RFX3: variants seen among roughly 807,000 people sequenced by gnomAD.
RFX3 encodes regulatory factor X3.
In RFX3, 14 loss-of-function variants were observed where a neutral mutation model predicts 98.6. The ratio of observed to expected loss-of-function variants is 0.14; its 90% confidence interval spans 0.09 to 0.22. The LOEUF (loss-of-function observed/expected upper bound fraction) is 0.22. RFX3 is among the 10% of genes least tolerant of loss of function. RFX3 has a pLI of 1.00. For synonymous variants in RFX3, 383 were observed against 328.4 expected, an observed-to-expected ratio of 1.17 and a Z score of -1.80; for missense variants, 639 against 926.9, an observed-to-expected ratio of 0.69 and a Z score of 4.03.
In RFX3 at chr9:3,525,816, AAG is replaced by A. The variant is rs1491477315; in HGVS notation, c.-80_-79del. Reference sequence around the variant, plus strand: ...GGTGGTGGTGGGGAGGAGGAGGAGGAAGAGGAGGAGGAGGAGGAGAGGAGTAG... The same window carrying A: ...GGTGGTGGTGGGGAGGAGGAGGAGGAAGGAGGAGGAGGAGGAGAGGAGTAG... On this transcript the variant is annotated 5_prime_UTR_variant, in exon 1 of 17. Transcript: ENST00000617270. The A allele has an allele frequency of 2.4e-6, 2 of 848,102 alleles. No homozygotes were observed. Among genetic ancestry groups the A allele is most frequent in the Admixed American group, 6.2e-5 (1 of 16,112 alleles). The allele number at this position is 848,102 out of a possible 1,614,324, so 52.5% of individuals were successfully genotyped here. A position where few individuals can be genotyped will look rare whatever the true frequency, so the allele number is the denominator to read the frequency against.
chr9:3,230,214 C>T (rs1371137859), intron 15 of RFX3, among the ~76,000 whole-genome samples: 3 of 152,062 alleles, frequency 2.0e-5, no homozygotes, highest in Non-Finnish European at 4.4e-5. Context: ...AGAGGCATTC[C>T]ACAACATATT....
chr9:3,250,168 C>T (rs1484865149), intron 14 of RFX3, among the ~76,000 whole-genome samples: 4 of 151,472 alleles, frequency 2.6e-5, no homozygotes, highest in Non-Finnish European at 5.9e-5. Context: ...AAAGCAAAAA[C>T]AACACAAAAA....
At chr9:3,340,095 G>A (rs937715278) in intron 3 of RFX3, among the ~76,000 whole-genome samples, 1 of 152,102 alleles carries the variant, frequency 6.6e-6, no homozygotes, top group African/African-American at 2.4e-5. Flanking sequence ...CAGAAATAAT[G>A]CCGCATATCT....
chr9:3,390,601 G>A (rs776764789), intron 2 of RFX3, among the ~76,000 whole-genome samples: 16 of 152,124 alleles, frequency 1.1e-4, no homozygotes, highest in South Asian at 4.1e-4. Flanking sequence ...GGAGGAACCC[G>A]GTGGGAGGCA....
chr9:3,257,246 C>G, intron 13 of RFX3, 47 bp from the exon 14 acceptor site: 8 of 1,537,134 alleles, frequency 5.2e-6, no homozygotes, highest in Non-Finnish European at 7.2e-6. Flanking sequence ...ATTCAGCATC[C>G]TTTCATTGAA....
chr9:3,271,307 G>A (rs1824401194), intron 9 of RFX3, among the ~76,000 whole-genome samples, 189 bp from the exon 10 acceptor site: 1 of 151,408 alleles, frequency 6.6e-6, no homozygotes, highest in Non-Finnish European at 1.5e-5. Context: ...CTAGGAAGAA[G>A]ATAAAGAGGG....
At chr9:3,504,874 A>AT (rs1191865121) in intron 1 of RFX3, among the ~76,000 whole-genome samples, 1 of 73,500 alleles carries the variant, frequency 1.4e-5, no homozygotes, top group African/African-American at 8.1e-5. Context: ...TATATATTAT[A>AT]TATATTATAT....
At chr9:3,238,614 C>T (rs1237978323) in intron 15 of RFX3, among the ~76,000 whole-genome samples, 1 of 152,194 alleles carries the variant, frequency 6.6e-6, no homozygotes, top group Non-Finnish European at 1.5e-5. Context: ...TTTGGAACTT[C>T]CTGACTCAAT....
intron 1 of RFX3, among the ~76,000 whole-genome samples, chr9:3,399,924 G>C (rs1248362496): frequency 6.6e-6 from 1 of 151,210 alleles, no homozygotes; most frequent in Admixed American, 6.6e-5. Flanking sequence ...ACTCCAGCCT[G>C]GATGACAGAG....
chr9:3,482,725 A>G (rs950733874), intron 1 of RFX3, among the ~76,000 whole-genome samples: 1 of 152,202 alleles, frequency 6.6e-6, no homozygotes, highest in Non-Finnish European at 1.5e-5. Context: ...CTGGGAATTT[A>G]CTGTAAAATG....
chr9:3,298,178 CAA>C (rs1293586286), intron 5 of RFX3, among the ~76,000 whole-genome samples: 3 of 151,604 alleles, frequency 2.0e-5, no homozygotes, highest in African/African-American at 7.3e-5. Flanking sequence ...AGGAGAAAAA[CAA>C]AGTCACTCTT....
At chr9:3,350,853 T>C (rs1277353996) in intron 2 of RFX3, among the ~76,000 whole-genome samples, 3 of 152,130 alleles carry the variant, frequency 2.0e-5, no homozygotes, top group Admixed American at 2.0e-4. Context: ...AAAGGTTACA[T>C]ACTGTAGGAT....
At chr9:3,429,320 C>A (rs950724682) in intron 1 of RFX3, among the ~76,000 whole-genome samples, 4 of 150,590 alleles carry the variant, frequency 2.7e-5, no homozygotes, top group Non-Finnish European at 4.4e-5. Context: ...CCGCGCCCGG[C>A]CAATTTTTAG....
At chr9:3,298,965 C>T (rs1465297802) in intron 5 of RFX3, among the ~76,000 whole-genome samples, 4 of 151,648 alleles carry the variant, frequency 2.6e-5, no homozygotes, top group Non-Finnish European at 5.9e-5. Flanking sequence ...TCAATAATTT[C>T]TCCCAATGTT....
chr9:3,417,128 C>G (rs781031083), intron 1 of RFX3, among the ~76,000 whole-genome samples: 62 of 151,794 alleles, frequency 4.1e-4, no homozygotes, highest in Admixed American at 7.9e-4. Flanking sequence ...GATAAAGGAG[C>G]CTGCCTATTC....
At chr9:3,404,303 A>G (rs904601340) in intron 1 of RFX3, among the ~76,000 whole-genome samples, 3 of 152,180 alleles carry the variant, frequency 2.0e-5, no homozygotes, top group Non-Finnish European at 4.4e-5. Context: ...ATGTATATAC[A>G]CTTGGAATAA....
intron 1 of RFX3, among the ~76,000 whole-genome samples, chr9:3,484,861 C>CAAG (rs1245355817): frequency 6.6e-5 from 10 of 151,824 alleles, no homozygotes; most frequent in Non-Finnish European, 1.3e-4. Context: ...AAAAGGAAGG[C>CAAG]TCACTTGAGG....
intron 4 of RFX3, among the ~76,000 whole-genome samples, chr9:3,325,293 T>C (rs1831786851): frequency 6.6e-6 from 1 of 152,154 alleles, no homozygotes. Context: ...AAAGCACTCA[T>C]AATTCTTAAA....
intron 1 of RFX3, among the ~76,000 whole-genome samples, chr9:3,516,583 T>C (rs1174551152): frequency 6.6e-6 from 1 of 152,210 alleles, no homozygotes. Flanking sequence ...GTCTAGACCT[T>C]GACGGGATTT....
Sources: gnomAD v4.1 joint callset for allele counts (sites outside exome capture counted in the v4.1 genomes callset) on GRCh38, gnomAD v4.1.1 for gene constraint, MANE v1.5 for transcripts, NCBI Gene and HGNC (gene_info 2026-07-23, HGNC 2026-07-21) for gene names.